Variants in NXNL2 observed in about 807,000 individuals in gnomAD.
The protein encoded by NXNL2 is nucleoredoxin-like protein 2.
Under a neutral mutation model 11.1 loss-of-function variants are expected in NXNL2, and 7 were observed. That is an observed-to-expected ratio of 0.63 (90% CI 0.36 to 1.18). The LOEUF (loss-of-function observed/expected upper bound fraction) is 1.18, where lower values mean the gene tolerates loss of function less well. Among genes scored for constraint, NXNL2 ranks in the 50% most tolerant of loss-of-function variants. NXNL2 has a pLI of 0.02. For missense variants in NXNL2, 233 were observed against 217.7 expected (o/e 1.07, Z -0.44); for synonymous variants, 109 against 101.8 (o/e 1.07, Z -0.42).
chr9:88,575,259 A>G (rs955328157), exon 3 of NXNL2: 6 of 634,082 alleles, frequency 9.5e-6, no homozygotes, highest in Non-Finnish European at 1.2e-5. Context: ...TATACCCGAA[A>G]GAAAGGAAAA....
intron 1 of NXNL2, among the ~76,000 whole-genome samples, chr9:88,561,417 T>G (rs1289550603): frequency 6.6e-6 from 1 of 152,162 alleles, no homozygotes; most frequent in East Asian, 1.9e-4. Context: ...TCTTTATCTA[T>G]CATCTATCTA....
At chr9:88,563,933 G>A (rs182227564) in intron 1 of NXNL2, among the ~76,000 whole-genome samples, 17 of 151,812 alleles carry the variant, frequency 1.1e-4, no homozygotes, top group African/African-American at 2.4e-4. Flanking sequence ...TCTCTGGGCC[G>A]GGCGCGGTGG....
At chr9:88,556,804 C>A (rs1321431816) in intron 1 of NXNL2, among the ~76,000 whole-genome samples, 3 of 152,060 alleles carry the variant, frequency 2.0e-5, no homozygotes, top group African/African-American at 7.2e-5. Context: ...AGGCCAGGTG[C>A]AAGCGGCTCA....
intron 1 of NXNL2, among the ~76,000 whole-genome samples, chr9:88,563,623 G>C (rs1464669835): frequency 6.6e-6 from 1 of 152,142 alleles, no homozygotes; most frequent in Non-Finnish European, 1.5e-5. Context: ...ATTGGATCAT[G>C]TGGTGTTGCT....
At chr9:88,547,477 A>C (rs10115516), downstream of NXNL2, among the ~76,000 whole-genome samples, 6,986 of 152,254 alleles carry the variant, frequency 0.046, 535 homozygotes, top group African/African-American at 0.16. Flanking sequence ...TTCCTAGAGA[A>C]AGGAAGAAGA....
intron 1 of NXNL2, among the ~76,000 whole-genome samples, chr9:88,552,957 G>T (rs1369706427): frequency 6.6e-6 from 1 of 152,114 alleles, no homozygotes; most frequent in Non-Finnish European, 1.5e-5. Context: ...AGACCTAAAA[G>T]GATGATTTTA....
chr9:88,557,150 C>A (rs1354944428), intron 1 of NXNL2, among the ~76,000 whole-genome samples: 1 of 147,382 alleles, frequency 6.8e-6, no homozygotes, highest in Non-Finnish European at 1.5e-5. Flanking sequence ...TTTGTTCATA[C>A]AAGCAATCCC....
chr9:88,569,431 T>A (rs1587854971), intron 1 of NXNL2, among the ~76,000 whole-genome samples: 1 of 152,264 alleles, frequency 6.6e-6, no homozygotes, highest in East Asian at 1.9e-4. Flanking sequence ...ATTTCAGTTG[T>A]ATCTGGATTT....
intron 1 of NXNL2, among the ~76,000 whole-genome samples, chr9:88,541,617 T>G (rs1829763293): frequency 6.6e-6 from 1 of 152,208 alleles, no homozygotes; most frequent in South Asian, 2.1e-4. Flanking sequence ...TGGGTTTTAT[T>G]GGTCACCCCA....
At chr9:88,562,952 G>A (rs1830105409) in intron 1 of NXNL2, among the ~76,000 whole-genome samples, 1 of 151,698 alleles carries the variant, frequency 6.6e-6, no homozygotes, top group African/African-American at 2.4e-5. Context: ...GCTGGGCGTG[G>A]TGGCACACAC....
At chr9:88,554,676 G>A (rs1428736889) in intron 1 of NXNL2, among the ~76,000 whole-genome samples, 1 of 152,194 alleles carries the variant, frequency 6.6e-6, no homozygotes, top group Non-Finnish European at 1.5e-5. Flanking sequence ...ATATTGCAGA[G>A]CCCTGGATAT....
intron 2 of NXNL2, among the ~76,000 whole-genome samples, chr9:88,573,850 G>A (rs1338030938): frequency 6.6e-6 from 1 of 152,156 alleles, no homozygotes; most frequent in Non-Finnish European, 1.5e-5. Context: ...ATACACAAGT[G>A]GTCAAAAAGT....
Position 88,544,323 on chromosome 9 carries a change from C to T in NXNL2, c.303-56C>T, listed in dbSNP as rs939314149. On this transcript the variant is annotated intron_variant, in intron 1 of 1. Transcript: ENST00000375854. Reference sequence around the variant, plus strand: ...CTCAGGCTGGAGGGAGGGGGCGTGTCCCTTCAGATGTGCATGTGGGAGTGC... The same window carrying T: ...CTCAGGCTGGAGGGAGGGGGCGTGTTCCTTCAGATGTGCATGTGGGAGTGC... 67 of 1,471,914 alleles carry T rather than the reference C, an allele frequency of 4.6e-5. No homozygotes were observed. The Middle Eastern group carries it at 5.3e-4, about 12-fold the overall frequency. The allele number at this position is 1,471,914 out of a possible 1,614,324, so 91.2% of individuals were successfully genotyped here.
chr9:88,567,482 T>A (rs1830193477), intron 1 of NXNL2, among the ~76,000 whole-genome samples: 1 of 152,226 alleles, frequency 6.6e-6, no homozygotes, highest in Non-Finnish European at 1.5e-5. Context: ...GTGGGTATAC[T>A]ATAATTTATT....
exon 3 of NXNL2, chr9:88,575,298 C>A: frequency 3.5e-6 from 1 of 287,600 alleles, no homozygotes; most frequent in Non-Finnish European, 5.2e-6. Flanking sequence ...GAGGTATCTG[C>A]ACCCCCATGT....
downstream of NXNL2, among the ~76,000 whole-genome samples, chr9:88,577,623 A>AGAG (rs1830362931): frequency 6.7e-6 from 1 of 149,394 alleles, no homozygotes; most frequent in African/African-American, 2.5e-5. Context: ...TGGAGAGAGA[A>AGAG]AGAGAGAGAG....
intron 1 of NXNL2, among the ~76,000 whole-genome samples, chr9:88,555,403 C>G (rs1416456668): frequency 2.0e-5 from 3 of 152,128 alleles, no homozygotes. Flanking sequence ...CATCTGTTAA[C>G]TGTCATGGCG....
At chr9:88,538,855 G>A (rs978266472) in intron 1 of NXNL2, among the ~76,000 whole-genome samples, 1 of 152,196 alleles carries the variant, frequency 6.6e-6, no homozygotes, top group Non-Finnish European at 1.5e-5. Flanking sequence ...AACTCCAGGA[G>A]GTGGATTCTG....
intron 1 of NXNL2, among the ~76,000 whole-genome samples, chr9:88,554,554 G>A (rs146277422): frequency 0.013 from 1,914 of 152,278 alleles, 18 homozygotes; most frequent in Non-Finnish European, 0.02. Flanking sequence ...AGGAAATCTG[G>A]TGCCTTTGGC....
Sources: gnomAD v4.1 joint callset for allele counts (sites outside exome capture counted in the v4.1 genomes callset) on GRCh38, gnomAD v4.1.1 for gene constraint, MANE v1.5 for transcripts, NCBI Gene and HGNC (gene_info 2026-07-23, HGNC 2026-07-21) for gene names.